The following NCEH1 variants were observed in gnomAD, a reference collection of about 807,000 sequenced individuals.
The protein encoded by NCEH1 is 2-acetyl MAGE hydrolase.
Under a neutral mutation model 25.4 loss-of-function variants are expected in NCEH1, and 9 were observed. The ratio of observed to expected loss-of-function variants is 0.35; its 90% CI spans 0.21 to 0.62. The LOEUF (loss-of-function observed/expected upper bound fraction) is 0.62. NCEH1 is among the 20% of genes least tolerant of loss of function. The pLI is 0.72. For missense variants in NCEH1, 412 were observed against 501.1 expected, an observed-to-expected ratio of 0.82 and a Z score of 1.70; for synonymous variants, 200 against 199.8, an observed-to-expected ratio of 1.00 and a Z score of -0.01.
chr3:172,697,836 T>C (rs1713456528), intron 1 of NCEH1, among the ~76,000 whole-genome samples: 1 of 152,236 alleles, frequency 6.6e-6, no homozygotes, highest in Non-Finnish European at 1.5e-5. Flanking sequence ...CTCTATTTCC[T>C]TTCCTATAAA....
intron 1 of NCEH1, among the ~76,000 whole-genome samples, chr3:172,672,169 T>C (rs1210343052): frequency 6.6e-6 from 1 of 152,222 alleles, no homozygotes. Context: ...TACATTGTAA[T>C]TGCCTACAGT....
chr3:172,680,243 G>A (rs1212220683), intron 1 of NCEH1, among the ~76,000 whole-genome samples: 1 of 152,178 alleles, frequency 6.6e-6, no homozygotes, highest in Admixed American at 6.5e-5. Context: ...TAATGGGTGA[G>A]GCATCTTGGG....
chr3:172,705,822 C>T (rs1713948849), intron 1 of NCEH1, among the ~76,000 whole-genome samples: 2 of 152,060 alleles, frequency 1.3e-5, no homozygotes, highest in Admixed American at 6.6e-5. Context: ...CATGGTGAAA[C>T]TCTGTCCTTA....
intron 1 of NCEH1, among the ~76,000 whole-genome samples, chr3:172,703,556 T>C (rs976465841): frequency 3.4e-5 from 5 of 145,594 alleles, no homozygotes; most frequent in African/African-American, 7.6e-5. Context: ...AGTAAATATA[T>C]GCTATTTTAA....
rs993094481 is a variant in NCEH1 at position 172,673,384 on chromosome 3, G to A, written c.139-25270C>T. On this transcript the variant is annotated intron_variant, in intron 1 of 4. Transcript: ENST00000475381. ...AGTGAAGCAAGAGGTACATAAAGCA[G>A]GAGAGGCAGTAGTCACTCTCCCCAA... is the stretch of plus-strand genomic sequence containing the variant. 9.8e-5 allele frequency among the ~76,000 whole-genome samples: 15 copies of A among 152,308 alleles called. No individual in the cohort carries two copies. In the South Asian group the frequency reaches 3.1e-3, roughly 32 times the overall value.
At chr3:172,637,401 C>A (rs1716643117) in intron 3 of NCEH1, among the ~76,000 whole-genome samples, 2 of 152,152 alleles carry the variant, frequency 1.3e-5, no homozygotes, top group East Asian at 3.8e-4. Flanking sequence ...CTTATTTTCA[C>A]AAACTAATTT....
At chr3:172,643,909 C>T (rs1716983196) in intron 3 of NCEH1, among the ~76,000 whole-genome samples, 3 of 152,214 alleles carry the variant, frequency 2.0e-5, no homozygotes, top group Admixed American at 2.0e-4. Context: ...GTGCTTTCCT[C>T]TGGCCAGCTG....
rs1360306826 is a variant in NCEH1, at chr3:172,650,814, A to G, written c.139-2700T>C. Among the ~76,000 whole-genome samples the G allele has an allele frequency of 3.8e-3, 182 of 48,446 alleles. 1 individual carries two copies. Among genetic ancestry groups the G allele is most frequent in the African/African-American group, 0.012 (171 of 14,754 alleles). 31.8% of individuals were successfully genotyped at this position (48,446 alleles called of 152,430 possible). A position where few individuals can be genotyped will look rare whatever the true frequency, so the allele number is the denominator to read the frequency against. On this transcript the variant is annotated intron_variant, in intron 1 of 4. Coordinates refer to ENST00000475381, the MANE Select transcript of NCEH1 (RefSeq NM_020792.6). ...ATGACAGAGCGAGACTCTGCCTCGAAAAAAAAAAAAAAAAAAAAAAAAGGG... is the reference window on the plus strand; with the variant it reads ...ATGACAGAGCGAGACTCTGCCTCGAGAAAAAAAAAAAAAAAAAAAAAAGGG...
chr3:172,704,719 T>C (rs1713882462), intron 1 of NCEH1, among the ~76,000 whole-genome samples: 1 of 152,232 alleles, frequency 6.6e-6, no homozygotes, highest in Admixed American at 6.5e-5. Flanking sequence ...GAAAATTCAA[T>C]TACAGGTAGG....
intron 1 of NCEH1, among the ~76,000 whole-genome samples, chr3:172,668,400 G>A (rs1402529693): frequency 7.9e-6 from 1 of 127,330 alleles, no homozygotes; most frequent in African/African-American, 3.1e-5. Flanking sequence ...TGTTGCCCAG[G>A]CTGGAGTGCA....
At chr3:172,653,735 G>GTTTTTTTTTTTTTTTTTTTTTTTTTT (rs1553830302) in intron 1 of NCEH1, among the ~76,000 whole-genome samples, 2 of 71,026 alleles carry the variant, frequency 2.8e-5, no homozygotes, top group African/African-American at 1.0e-4. Context: ...TTGTTGTTCT[G>GTTTTTTTTTTTTTTTTTTTTTTTTTT]TTTTTTTTGT....
chr3:172,657,623 G>C (rs1223528305), intron 1 of NCEH1, among the ~76,000 whole-genome samples: 1 of 152,140 alleles, frequency 6.6e-6, no homozygotes, highest in Non-Finnish European at 1.5e-5. Flanking sequence ...ATAACTTGCT[G>C]CATACTGCTG....
intron 3 of NCEH1, among the ~76,000 whole-genome samples, chr3:172,638,560 C>T (rs1716707989): frequency 6.6e-6 from 1 of 150,408 alleles, no homozygotes; most frequent in African/African-American, 2.4e-5. Context: ...GGGTGGGTCT[C>T]AATTTTTAAT....
chr3:172,683,216 A>G (rs1215546951), intron 1 of NCEH1, among the ~76,000 whole-genome samples: 1 of 73,570 alleles, frequency 1.4e-5, no homozygotes, highest in Non-Finnish European at 3.0e-5. Flanking sequence ...ATCCCAGCTA[A>G]AACGGTGAAA....
intron 1 of NCEH1, chr3:172,703,005 A>G (rs1482154658): frequency 6.6e-6 from 1 of 152,120 alleles, no homozygotes; most frequent in Admixed American, 6.5e-5. Flanking sequence ...GAAAAAAATA[A>G]AAAGTAAAAA....
chr3:172,639,715 G>T (rs1716762523), intron 3 of NCEH1, among the ~76,000 whole-genome samples: 1 of 152,122 alleles, frequency 6.6e-6, no homozygotes, highest in South Asian at 2.1e-4. Flanking sequence ...AATGACAAGT[G>T]GATTACCTAG....
chr3:172,689,952 G>A (rs1177733641), intron 1 of NCEH1, among the ~76,000 whole-genome samples: 7 of 146,386 alleles, frequency 4.8e-5, no homozygotes, highest in African/African-American at 7.6e-5. Context: ...CGCCCAGGCT[G>A]GAGTGCAGTG....
At chr3:172,700,394 T>G (rs645253) in intron 1 of NCEH1, among the ~76,000 whole-genome samples, 29,558 of 152,090 alleles carry the variant, frequency 0.19, 3,089 homozygotes, top group Non-Finnish European at 0.23. Flanking sequence ...AAAAATTCAC[T>G]AGTGACTAAG....
intron 1 of NCEH1, among the ~76,000 whole-genome samples, chr3:172,670,808 T>C (rs9876392): frequency 0.11 from 16,059 of 152,152 alleles, 2,639 homozygotes; most frequent in African/African-American, 0.35. Context: ...TTTTCTTATA[T>C]TGAGGGCTTT....
Sources: gnomAD v4.1 joint callset for allele counts (sites outside exome capture counted in the v4.1 genomes callset) on GRCh38, gnomAD v4.1.1 for gene constraint, MANE v1.5 for transcripts, NCBI Gene and HGNC (gene_info 2026-07-23, HGNC 2026-07-21) for gene names.